BNC2: variants seen among roughly 807,000 people sequenced by gnomAD.
The protein encoded by BNC2 is basonuclin zinc finger protein 2.
BNC2 carries 20 observed loss-of-function variants against 76.3 expected under a neutral mutation model. The ratio of observed to expected loss-of-function variants is 0.26; its 90% CI spans 0.18 to 0.38. The LOEUF (loss-of-function observed/expected upper bound fraction) is 0.38. Ranked by LOEUF, BNC2 falls within the 10% of genes least tolerant of loss-of-function variation. The probability of loss-of-function intolerance (pLI) is 1.00; values close to 1 mark genes in which losing one functional copy is unlikely to be tolerated. For missense variants in BNC2, 1,382 were observed against 1,399.8 expected, an observed-to-expected ratio of 0.99 and a Z score of 0.20; for synonymous variants, 582 against 514.8, an observed-to-expected ratio of 1.13 and a Z score of -1.77.
At chr9:16,501,797 G>A (rs1822524381) in intron 5 of BNC2, among the ~76,000 whole-genome samples, 1 of 152,116 alleles carries the variant, frequency 6.6e-6, no homozygotes, top group African/African-American at 2.4e-5. Context: ...AACACTCAAA[G>A]GAAGGTCAGG....
intron 1 of BNC2, among the ~76,000 whole-genome samples, chr9:16,741,036 A>G (rs1042519533): frequency 3.9e-5 from 6 of 152,204 alleles, no homozygotes; most frequent in Non-Finnish European, 8.8e-5. Flanking sequence ...AGGGTCTAAC[A>G]GGGTGCTCAA....
At chr9:16,459,106 G>A (rs1055458448) in intron 5 of BNC2, among the ~76,000 whole-genome samples, 3 of 152,166 alleles carry the variant, frequency 2.0e-5, no homozygotes, top group Non-Finnish European at 2.9e-5. Context: ...AACAATTATA[G>A]AGTTAAATAG....
intron 3 of BNC2, among the ~76,000 whole-genome samples, chr9:16,613,659 A>G (rs1476686432): frequency 6.6e-6 from 1 of 152,196 alleles, no homozygotes; most frequent in Admixed American, 6.5e-5. Context: ...TGTAAGGAGG[A>G]GCCTCTTAGA....
At chr9:16,751,666 G>T (rs80031798) in intron 1 of BNC2, among the ~76,000 whole-genome samples, 3 of 80,228 alleles carry the variant, frequency 3.7e-5, no homozygotes, top group Non-Finnish European at 7.6e-5. Flanking sequence ...ATATATGTAT[G>T]TATGTGTATA....
intron 6 of BNC2, among the ~76,000 whole-genome samples, chr9:16,420,678 T>C (rs1820691514): frequency 6.7e-6 from 1 of 150,358 alleles, no homozygotes; most frequent in African/African-American, 2.4e-5. Context: ...TATGTATGTA[T>C]ATACATACAC....
intron 6 of BNC2, 37 bp from the exon 7 acceptor site, chr9:16,419,686 G>C (rs766099162): frequency 4.6e-6 from 2 of 436,584 alleles, no homozygotes; most frequent in Non-Finnish European, 8.9e-6. Context: ...TACGTGGATG[G>C]GGGGTGGGGA....
chr9:16,687,799 T>A (rs910397536), intron 3 of BNC2, among the ~76,000 whole-genome samples: 1 of 152,150 alleles, frequency 6.6e-6, no homozygotes, highest in African/African-American at 2.4e-5. Context: ...AGAATGCACT[T>A]TATAAACATT....
At chr9:16,483,366 T>C (rs1481367003) in intron 5 of BNC2, among the ~76,000 whole-genome samples, 1 of 152,214 alleles carries the variant, frequency 6.6e-6, no homozygotes, top group Admixed American at 6.5e-5. Flanking sequence ...TGTATCTGCA[T>C]GGTTTCTTCA....
intron 4 of BNC2, among the ~76,000 whole-genome samples, chr9:16,566,727 G>C (rs1359672091): frequency 6.6e-6 from 1 of 152,104 alleles, no homozygotes; most frequent in Non-Finnish European, 1.5e-5. Flanking sequence ...TGGCCTTATA[G>C]CTATAGAAAA....
intron 1 of BNC2, among the ~76,000 whole-genome samples, chr9:16,756,287 A>T (rs185691499): frequency 1.2e-3 from 183 of 152,120 alleles, no homozygotes; most frequent in African/African-American, 4.3e-3. Flanking sequence ...TTTTGTTGGC[A>T]TGATTATTTT....
chr9:16,440,878 G>A (rs1303917581), intron 5 of BNC2, among the ~76,000 whole-genome samples: 3 of 152,278 alleles, frequency 2.0e-5, no homozygotes, highest in African/African-American at 7.2e-5. Context: ...TAAAAGAGAA[G>A]CTTTATTTAT....
At chr9:16,823,420 G>C (rs556074065) in intron 1 of BNC2, among the ~76,000 whole-genome samples, 1 of 120,656 alleles carries the variant, frequency 8.3e-6, no homozygotes, top group East Asian at 2.5e-4. Context: ...GTGAGATCCT[G>C]TCTCTACAAA....
chr9:16,461,551 C>T (rs1821580926), intron 5 of BNC2, among the ~76,000 whole-genome samples: 2 of 148,182 alleles, frequency 1.3e-5, no homozygotes, highest in Admixed American at 6.8e-5. Flanking sequence ...TATGAATAAA[C>T]GTTTCAATCC....
rs755129312 is a variant in BNC2, at chr9:16,419,029, G to C, written c.3260C>G (p.Pro1087Arg). Reference sequence around the variant, plus strand: ...GAAGGGAATGTTTTTGTGGAGATTAGGGTTCTGACTGTGCCGATTTCGGCT... The same window carrying C: ...GAAGGGAATGTTTTTGTGGAGATTACGGTTCTGACTGTGCCGATTTCGGCT... ...VRSRNRHSQN[P>R]NLHKNIPFTS... Residue 1087 changes from proline to arginine, a missense_variant, in exon 7 of 7, where the codon CCT becomes CGT. By Grantham distance (103) the Pro-to-Arg change is moderately radical. Around this residue, in one of 3 missense-constraint regions of BNC2, gnomAD observed 798 missense variants for 775.5 expected, o/e 1.03. Transcript: ENST00000380672. 1.9e-6 allele frequency: 3 copies of C among 1,614,152 alleles called. No homozygotes were observed. Among genetic ancestry groups the C allele is most frequent in the Non-Finnish European group, 2.5e-6 (3 of 1,180,028 alleles).
chr9:16,450,272 T>C (rs1821314221), intron 5 of BNC2, among the ~76,000 whole-genome samples: 2 of 152,180 alleles, frequency 1.3e-5, no homozygotes, highest in Admixed American at 6.6e-5. Context: ...TAGGACAAAA[T>C]GAGCATCTTT....
rs1820496065 is a variant in BNC2 at position 16,412,752 on chromosome 9, A to AGAGAGAGAGAGG, written c.*6236_*6237insCCTCTCTCTCTC. 1 of 133,604 alleles carries AGAGAGAGAGAGG rather than the reference A, an allele frequency of 7.5e-6. No individual in the cohort carries two copies. Among genetic ancestry groups the AGAGAGAGAGAGG allele is most frequent in the Non-Finnish European group, 1.6e-5 (1 of 64,154 alleles). The allele number at this position is 133,604 out of a possible 1,614,324, so 8.3% of individuals were successfully genotyped here. On this transcript the variant is annotated 3_prime_UTR_variant, in exon 7 of 7. Transcript: ENST00000380672. ...GAGAGAGAGAGAGAGAGAGAGAGAGAGAGAGAGAGAGAGACTGACTGATTG... is the reference window on the plus strand; with the variant it reads ...GAGAGAGAGAGAGAGAGAGAGAGAGAGAGAGAGAGAGGGAGAGAGAGAGAGACTGACTGATTG...
intron 5 of BNC2, among the ~76,000 whole-genome samples, chr9:16,541,286 G>GT (rs1372646883): frequency 6.6e-6 from 1 of 152,194 alleles, no homozygotes; most frequent in Non-Finnish European, 1.5e-5. Flanking sequence ...GGGGGAAAAA[G>GT]TTTTTTACCA....
intron 3 of BNC2, among the ~76,000 whole-genome samples, chr9:16,626,707 TTC>T: frequency 1.3e-5 from 2 of 152,088 alleles, no homozygotes; most frequent in Middle Eastern, 6.8e-3. Context: ...ACACCCTGTA[TTC>T]TCTTTTCTTT....
At chr9:16,743,091 C>A (rs1824896881) in intron 1 of BNC2, among the ~76,000 whole-genome samples, 1 of 152,116 alleles carries the variant, frequency 6.6e-6, no homozygotes. Flanking sequence ...GTATAGATTC[C>A]TCTGGTTCTA....
Sources: gnomAD v4.1 joint callset for allele counts (sites outside exome capture counted in the v4.1 genomes callset) on GRCh38, gnomAD v4.1.1 for gene constraint, gnomAD v4.1.1 regional missense constraint, MANE v1.5 for transcripts, NCBI Gene and HGNC (gene_info 2026-07-23, HGNC 2026-07-21) for gene names.